Variants in KCTD16 observed in about 807,000 individuals in gnomAD.
KCTD16 encodes the protein BTB/POZ domain-containing protein KCTD16.
Under a neutral mutation model 33.2 loss-of-function variants are expected in KCTD16, and 13 were observed. The observed-to-expected ratio is 0.39, with a 90% CI of 0.25 to 0.62. KCTD16 has a LOEUF of 0.62. Among genes scored for constraint, KCTD16 ranks in the 20% least tolerant of loss-of-function variants. The pLI is 0.50. For synonymous variants in KCTD16, 197 were observed against 195.3 expected, an observed-to-expected ratio of 1.01 and a Z score of -0.07; for missense variants, 441 against 525.1, an observed-to-expected ratio of 0.84 and a Z score of 1.57.
Position 144,342,316 on chromosome 5 carries a change from A to T in KCTD16, c.833-131344A>T, listed in dbSNP as rs1272337631. On this transcript the variant is annotated intron_variant, in intron 3 of 3. Transcript: ENST00000512467. ...GTCCCTTGTAAGTTGGATTCCTAGG[A>T]ATTTTATTCTCTTTGAAGCAGTTGT... 2.0e-5 allele frequency among the ~76,000 whole-genome samples: 3 copies of T among 152,130 alleles called. No homozygotes were observed. The East Asian group carries it at 5.8e-4, about 29-fold the overall frequency.
chr5:144,235,305 G>T (rs563427006), intron 3 of KCTD16, among the ~76,000 whole-genome samples: 1 of 152,148 alleles, frequency 6.6e-6, no homozygotes, highest in Admixed American at 6.6e-5. Flanking sequence ...CTCCCAAGGG[G>T]TGTGGCTTCC....
chr5:144,236,169 CA>C (rs1490790310), intron 3 of KCTD16, among the ~76,000 whole-genome samples: 1 of 152,022 alleles, frequency 6.6e-6, no homozygotes, highest in Non-Finnish European at 1.5e-5. Flanking sequence ...CTAGTGGAGA[CA>C]AAAACATATA....
intron 3 of KCTD16, among the ~76,000 whole-genome samples, chr5:144,211,521 T>A (rs1243536987): frequency 6.6e-6 from 1 of 152,164 alleles, no homozygotes; most frequent in African/African-American, 2.4e-5. Flanking sequence ...AAAACTATTG[T>A]ATACAATTAC....
chr5:144,455,750 G>A (rs1031409132), intron 3 of KCTD16, among the ~76,000 whole-genome samples: 2 of 152,196 alleles, frequency 1.3e-5, no homozygotes, highest in African/African-American at 4.8e-5. Flanking sequence ...TAAGCACTGA[G>A]GTGAAGGCTT....
At chr5:144,188,060 G>A (rs142904678) in intron 2 of KCTD16, among the ~76,000 whole-genome samples, 364 of 152,228 alleles carry the variant, frequency 2.4e-3, no homozygotes, top group African/African-American at 8.4e-3. Flanking sequence ...ACCAGGGTTG[G>A]CAAGAGGCTC....
At chr5:144,270,183 G>A (rs1339107424) in intron 3 of KCTD16, among the ~76,000 whole-genome samples, 1 of 151,906 alleles carries the variant, frequency 6.6e-6, no homozygotes, top group East Asian at 1.9e-4. Context: ...ATATTCAAAA[G>A]AGAGGTTAGC....
intron 3 of KCTD16, among the ~76,000 whole-genome samples, chr5:144,451,751 C>G (rs1242294630): frequency 6.6e-6 from 1 of 152,104 alleles, no homozygotes; most frequent in Non-Finnish European, 1.5e-5. Flanking sequence ...GTTTGAGGGA[C>G]TTTGTACTTG....
At chr5:144,362,041 G>A (rs1482533940) in intron 3 of KCTD16, among the ~76,000 whole-genome samples, 1 of 151,918 alleles carries the variant, frequency 6.6e-6, no homozygotes, top group African/African-American at 2.4e-5. Flanking sequence ...ACTGTAATCA[G>A]TTTACTCTAA....
intron 3 of KCTD16, among the ~76,000 whole-genome samples, chr5:144,283,474 G>A (rs1317267380): frequency 1.3e-5 from 2 of 152,158 alleles, no homozygotes; most frequent in Non-Finnish European, 2.9e-5. Flanking sequence ...GGACAACTCA[G>A]AAGACTTTCC....
chr5:144,442,259 G>A (rs1446376025), intron 3 of KCTD16, among the ~76,000 whole-genome samples: 2 of 152,076 alleles, frequency 1.3e-5, no homozygotes, highest in Non-Finnish European at 2.9e-5. Context: ...TGATGTGTCT[G>A]AGTGAAGCTT....
rs757102463 is a variant in KCTD16, at chr5:144,206,833, A to T, written c.119A>T (p.His40Leu). Residue 40 changes from histidine to leucine, a missense_variant, in exon 3 of 4, where the codon CAT becomes CTT. By Grantham distance (99) the His-to-Leu change is moderately conservative (BLOSUM62 -3). Transcript: ENST00000512467. ...NVGGQVYFTR[H>L]STLISIPHSL... Reference sequence around the variant, plus strand: ...GGGGGTCAAGTTTATTTTACTCGCCATTCCACATTGATAAGCATCCCTCAT... The same window carrying T: ...GGGGGTCAAGTTTATTTTACTCGCCTTTCCACATTGATAAGCATCCCTCAT... 1.2e-6 allele frequency: 2 copies of T among 1,614,160 alleles called. No individual in the cohort carries two copies. Among genetic ancestry groups the T allele is most frequent in the Admixed American group, 3.3e-5 (2 of 60,010 alleles).
At chr5:144,259,989 T>C (rs1031175013) in intron 3 of KCTD16, among the ~76,000 whole-genome samples, 2 of 152,220 alleles carry the variant, frequency 1.3e-5, no homozygotes, top group African/African-American at 4.8e-5. Context: ...GACAAGAGTT[T>C]GCAAATCAGC....
Position 144,410,894 on chromosome 5 carries a change from G to A in KCTD16, c.833-62766G>A, listed in dbSNP as rs528590543. On this transcript the variant is annotated intron_variant, in intron 3 of 3. Transcript: ENST00000512467. The stretch of plus-strand genomic sequence containing the variant: ...CTCTGTTATAAGCTGAGTATTTGGG[G>A]GCTATCGTTCCCTACCCTCTCAAAT... 1.8e-4 allele frequency among the ~76,000 whole-genome samples: 27 copies of A among 152,068 alleles called. No homozygotes were observed. In the South Asian group the frequency reaches 5.6e-3, roughly 32 times the overall value.
intron 3 of KCTD16, among the ~76,000 whole-genome samples, chr5:144,443,741 A>G (rs994724947): frequency 2.6e-5 from 4 of 152,110 alleles, no homozygotes; most frequent in African/African-American, 9.7e-5. Flanking sequence ...AAGTTGTTCT[A>G]TCCTTGGCTA....
chr5:144,473,485 C>G (rs1409337361), intron 3 of KCTD16, among the ~76,000 whole-genome samples, 175 bp from the exon 4 acceptor site: 1 of 152,138 alleles, frequency 6.6e-6, no homozygotes, highest in Non-Finnish European at 1.5e-5. Flanking sequence ...CCCTCGTGGA[C>G]TTGGCTTTTG....
intron 3 of KCTD16, among the ~76,000 whole-genome samples, chr5:144,276,151 C>T (rs960770344): frequency 9.9e-5 from 15 of 152,152 alleles, no homozygotes; most frequent in African/African-American, 3.6e-4. Flanking sequence ...AAGTAAATCC[C>T]TGTTATGAAT....
intron 3 of KCTD16, among the ~76,000 whole-genome samples, chr5:144,268,764 C>A (rs1188765261): frequency 6.6e-6 from 1 of 152,166 alleles, no homozygotes; most frequent in Admixed American, 6.5e-5. Context: ...TGAAAAAGAC[C>A]TAATGGCAGT....
chr5:144,257,308 T>C (rs1227319739), intron 3 of KCTD16, among the ~76,000 whole-genome samples: 1 of 152,178 alleles, frequency 6.6e-6, no homozygotes, highest in Non-Finnish European at 1.5e-5. Flanking sequence ...TTTTTGTAAA[T>C]GCTCAAGATG....
chr5:144,224,849 A>G (rs1022156268), intron 3 of KCTD16, among the ~76,000 whole-genome samples: 2 of 152,056 alleles, frequency 1.3e-5, no homozygotes, highest in Non-Finnish European at 2.9e-5. Context: ...TTCCCACAAA[A>G]CCCCACAATG....
Sources: allele counts gnomAD v4.1 joint callset (sites outside exome capture counted in the v4.1 genomes callset), GRCh38; gene constraint gnomAD v4.1.1; transcripts MANE v1.5; gene names NCBI Gene and HGNC (gene_info 2026-07-23, HGNC 2026-07-21).